Variants in PER2 observed in about 807,000 individuals in gnomAD.
PER2 encodes period circadian protein homolog 2.
In PER2, 66 loss-of-function variants were observed where a neutral mutation model predicts 121.0. The ratio of observed to expected loss-of-function variants is 0.55; its 90% CI spans 0.45 to 0.67. PER2 has a LOEUF of 0.67. Ranked by LOEUF, PER2 falls within the 30% of genes least tolerant of loss-of-function variation. The pLI, the probability that PER2 is intolerant of heterozygous loss-of-function variation, is 0.00. For synonymous variants in PER2, 684 were observed against 659.9 expected, an observed-to-expected ratio of 1.04 and a Z score of -0.56; for missense variants, 1,521 against 1,635.0, an observed-to-expected ratio of 0.93 and a Z score of 1.20.
In PER2 at chr2:238,251,652, G is replaced by C; in HGVS notation, c.3221C>G (p.Ser1074Trp). The part of the protein sequence containing the change: ...DLCSASGSAA[S>W]ESLGSGSLGC... ...CAGTGAGCCGGAGCCCAGAGACTCC[G>C]AAGCAGCAGAGCCCGAGGCTGAGCA... The change falls in exon 20 of 23, where the codon TCG becomes TGG. Residue 1074 changes from serine (S) to tryptophan (W), a missense_variant. Coordinates refer to ENST00000254657, the MANE Select transcript of PER2 (RefSeq NM_022817.3). The C allele has an allele frequency of 3.1e-6, 5 of 1,614,186 alleles. No individual in the cohort carries two copies. The highest frequency in any genetic ancestry group is 4.2e-6 in the Non-Finnish European group (5 of 1,180,014).
At chr2:238,290,396 C>T (rs1574867151), upstream of PER2, among the ~76,000 whole-genome samples, 2 of 152,042 alleles carry the variant, frequency 1.3e-5, no homozygotes, top group Admixed American at 1.3e-4. Flanking sequence ...CCATTGACGT[C>T]AATGGGGAGC....
At chr2:238,262,841 T>A in intron 10 of PER2, 111 bp downstream of exon 10, 1 of 769,706 alleles carries the variant, frequency 1.3e-6, no homozygotes, top group Non-Finnish European at 2.3e-6. Flanking sequence ...ACCACCTGCT[T>A]GTCCTTAGCT....
chr2:238,290,971 CAG>C (rs925353754), upstream of PER2, among the ~76,000 whole-genome samples: 5 of 152,146 alleles, frequency 3.3e-5, no homozygotes, highest in African/African-American at 7.2e-5. Flanking sequence ...AAGATGGTGA[CAG>C]AGAGAGAGCG....
At chr2:238,277,008 G>C (rs551849201) in intron 3 of PER2, 123 bp downstream of exon 3, 3 of 798,062 alleles carry the variant, frequency 3.8e-6, no homozygotes, top group Non-Finnish European at 6.8e-6. Flanking sequence ...TACCCACATA[G>C]CCACACAGAT....
upstream of PER2, chr2:238,289,620 C>T (rs1267280212): frequency 6.6e-6 from 1 of 152,236 alleles, no homozygotes; most frequent in Admixed American, 6.5e-5. Flanking sequence ...GCGATGTGGG[C>T]TATAAATTAA....
At chr2:238,263,180 C>A in intron 9 of PER2, 122 bp from the exon 10 acceptor site, 1 of 705,340 alleles carries the variant, frequency 1.4e-6, no homozygotes, top group South Asian at 1.5e-5. Flanking sequence ...CTCCCCCACC[C>A]CCGGAGATCA....
chr2:238,256,543 C>G (rs1017600496), intron 17 of PER2, among the ~76,000 whole-genome samples: 2 of 152,234 alleles, frequency 1.3e-5, no homozygotes, highest in South Asian at 4.1e-4. Flanking sequence ...GGAGAGCTAA[C>G]GGTCGCACCT....
At chr2:238,289,734 G>C (rs1404213621), upstream of PER2, 1 of 152,288 alleles carries the variant, frequency 6.6e-6, no homozygotes, top group African/African-American at 2.4e-5. Flanking sequence ...CCGTAGAGAC[G>C]CAGGAGCCAG....
chr2:238,292,965 T>A (rs572462674), upstream of PER2, among the ~76,000 whole-genome samples: 327 of 151,890 alleles, frequency 2.2e-3, 1 homozygote, highest in African/African-American at 7.5e-3. Context: ...CTCGAACTCC[T>A]GACCTCGTGA....
Position 238,245,099 on chromosome 2 carries a change from A to G in PER2, c.*1276T>C, listed in dbSNP as rs1255525743. 1 of 151,602 alleles carries G rather than the reference A, an allele frequency of 6.6e-6. No homozygotes were observed. Among genetic ancestry groups the G allele is most frequent in the African/African-American group, 2.4e-5 (1 of 41,154 alleles). The allele number at this position is 151,602 out of a possible 1,614,324, so 9.4% of individuals were successfully genotyped here. A position where few individuals can be genotyped will look rare whatever the true frequency, so the allele number is the denominator to read the frequency against. On this transcript the variant is annotated 3_prime_UTR_variant, in exon 23 of 23. Coordinates refer to ENST00000254657, the MANE Select transcript of PER2 (RefSeq NM_022817.3). ...AACCCTGGTCCCTTTTAAGCCTCAT[A>G]GTCTTGGTCCAATTTTAAGTCAACT...
intron 16 of PER2, among the ~76,000 whole-genome samples, chr2:238,257,527 G>A (rs1260581347): frequency 2.0e-5 from 3 of 152,214 alleles, no homozygotes; most frequent in Non-Finnish European, 4.4e-5. Flanking sequence ...AGGCTGGAGT[G>A]CAGTGATGCA....
chr2:238,248,871 G>A (rs1186320287), intron 22 of PER2, 191 bp downstream of exon 22: 2 of 663,348 alleles, frequency 3.0e-6, no homozygotes, highest in Non-Finnish European at 5.6e-6. Flanking sequence ...TTGCCAGGAT[G>A]GTCTCGATCT....
chr2:238,265,483 G>A (rs764094880), intron 9 of PER2, 29 bp downstream of exon 9: 1 of 1,447,120 alleles, frequency 6.9e-7, no homozygotes, highest in South Asian at 1.1e-5. Context: ...TCAAAAACAT[G>A]AAAAAGGGGG....
In PER2 at chr2:238,262,319, G is replaced by A. The variant is rs115692307; in HGVS notation, c.1179C>T (p.Phe393=). ...KKILQSGGQP[F]DYSPIRFRAR... The stretch of plus-strand genomic sequence containing the variant: ...CGCGAAACCGAATGGGAGAATAGTC[G>A]AAAGGCTGCCCGCCTGACTGCAGGA... The change falls in exon 11 of 23, where the codon TTC becomes TTT. Residue 393 remains phenylalanine (F), a synonymous_variant. Coordinates refer to ENST00000254657, the MANE Select transcript of PER2 (RefSeq NM_022817.3). 1.6e-3 allele frequency: 2,593 copies of A among 1,613,980 alleles called. 19 individuals carry two copies. In the African/African-American group the frequency reaches 0.018, roughly 11 times the overall value.
chr2:238,297,676 C>G, the PER2 span, among the ~76,000 whole-genome samples: 1 of 152,218 alleles, frequency 6.6e-6, no homozygotes, highest in South Asian at 2.1e-4. Context: ...CCCAGATAGT[C>G]CCGGGCTTGC....
chr2:238,290,403 G>T (rs1696929736), upstream of PER2, among the ~76,000 whole-genome samples: 2 of 151,968 alleles, frequency 1.3e-5, no homozygotes, highest in African/African-American at 4.8e-5. Context: ...CGTCAATGGG[G>T]AGCTCCATTG....
rs1267078547 is a variant in PER2 at position 238,275,906 on chromosome 2, T to C, written c.294-9A>G. The C allele has an allele frequency of 1.9e-6, 3 of 1,614,220 alleles. No homozygotes were observed. Among genetic ancestry groups the C allele is most frequent in the Non-Finnish European group, 2.5e-6 (3 of 1,180,016 alleles). On this transcript the variant is annotated splice_polypyrimidine_tract_variant and intron_variant, in intron 3 of 22. Coordinates refer to ENST00000254657, the MANE Select transcript of PER2 (RefSeq NM_022817.3). The stretch of plus-strand genomic sequence containing the variant: ...TCGAAGACTGGTCGCTACTGCAGGA[T>C]TCAAGAAAGAGGCAGCCAAATGTTA...
chr2:238,272,367 T>C (rs1400591998), intron 5 of PER2, among the ~76,000 whole-genome samples: 1 of 152,224 alleles, frequency 6.6e-6, no homozygotes, highest in Admixed American at 6.5e-5. Context: ...CCCAGGGTTC[T>C]AGGGGCTTCC....
intron 18 of PER2, chr2:238,255,408 A>G: frequency 1.7e-6 from 1 of 580,664 alleles, no homozygotes; most frequent in South Asian, 2.0e-5. Flanking sequence ...CTGCCCTGCC[A>G]TGGTTCTTCC....
Sources: gnomAD v4.1 joint callset for allele counts (sites outside exome capture counted in the v4.1 genomes callset) on GRCh38, gnomAD v4.1.1 for gene constraint, MANE v1.5 for transcripts, NCBI Gene and HGNC (gene_info 2026-07-23, HGNC 2026-07-21) for gene names.